The following PLEKHA8 variants were observed in gnomAD, a reference collection of about 807,000 sequenced individuals.
PLEKHA8 encodes the protein pleckstrin homology domain containing A8.
A neutral mutation model predicts 68.2 loss-of-function variants in PLEKHA8; 36 were observed. The ratio of observed to expected loss-of-function variants is 0.53; its 90% CI spans 0.40 to 0.70. The LOEUF (loss-of-function observed/expected upper bound fraction) is 0.70. Among genes scored for constraint, PLEKHA8 ranks in the 30% least tolerant of loss-of-function variants. The pLI, the probability that PLEKHA8 is intolerant of heterozygous loss-of-function variation, is 0.00. For synonymous variants in PLEKHA8, 211 were observed against 216.1 expected (o/e 0.98, Z 0.20); for missense variants, 505 against 615.4 (o/e 0.82, Z 1.90).
At position 30,054,882 on chromosome 7, in the gene PLEKHA8, A is replaced by G; in HGVS notation, c.953+17A>G. 1.3e-6 allele frequency: 2 copies of G among 1,577,644 alleles called. No individual in the cohort carries two copies. Among genetic ancestry groups the G allele is most frequent in the Non-Finnish European group, 1.7e-6 (2 of 1,158,838 alleles). Reference sequence around the variant, plus strand: ...GAACACAAGGTATTCTAGACTCTTTAATATCACTGATGCTTGGATACTAAC... The same window carrying G: ...GAACACAAGGTATTCTAGACTCTTTGATATCACTGATGCTTGGATACTAAC... On this transcript the variant is annotated intron_variant, in intron 8 of 13. Transcript: ENST00000449726.
chr7:30,120,449 A>C (rs1215137894), intron 13 of PLEKHA8, among the ~76,000 whole-genome samples: 10 of 152,250 alleles, frequency 6.6e-5, no homozygotes. Flanking sequence ...GATTGGCCAA[A>C]CTAACACCTG....
chr7:30,090,339 A>G (rs1795366638), exon 13 of PLEKHA8: 1 of 806,288 alleles, frequency 1.2e-6, no homozygotes, highest in Admixed American at 3.0e-5. Context: ...CTGAGTAGGA[A>G]AAAAGAATGA....
downstream of PLEKHA8, among the ~76,000 whole-genome samples, chr7:30,094,275 C>CCTTT (rs1562545904): frequency 7.2e-6 from 1 of 138,262 alleles, no homozygotes; most frequent in Non-Finnish European, 1.6e-5. Context: ...CAAGTTTCTA[C>CCTTT]TTTTTTTTTT....
intron 1 of PLEKHA8, among the ~76,000 whole-genome samples, chr7:30,042,366 G>A (rs547844037): frequency 2.6e-5 from 4 of 152,128 alleles, no homozygotes; most frequent in African/African-American, 9.6e-5. Flanking sequence ...CTTTTTCTCT[G>A]GATAACACTC....
At chr7:30,097,451 C>G (rs1335755923) in intron 13 of PLEKHA8, among the ~76,000 whole-genome samples, 1 of 152,226 alleles carries the variant, frequency 6.6e-6, no homozygotes, top group African/African-American at 2.4e-5. Context: ...CTCCCCATCA[C>G]TTTCAGGTAC....
At chr7:30,110,287 G>C (rs1163937124) in intron 13 of PLEKHA8, among the ~76,000 whole-genome samples, 1 of 152,130 alleles carries the variant, frequency 6.6e-6, no homozygotes, top group African/African-American at 2.4e-5. Flanking sequence ...GGTGTTTTAT[G>C]TCTGGCTACT....
chr7:30,048,229 G>A (rs1792118302), intron 4 of PLEKHA8, among the ~76,000 whole-genome samples: 1 of 151,990 alleles, frequency 6.6e-6, no homozygotes, highest in Admixed American at 6.6e-5. Flanking sequence ...TTCCTTCCTG[G>A]AATAAATTAG....
intron 13 of PLEKHA8, among the ~76,000 whole-genome samples, chr7:30,115,484 GTATGTAGACA>G (rs1470431853): frequency 6.6e-6 from 1 of 151,536 alleles, no homozygotes; most frequent in African/African-American, 2.4e-5. Flanking sequence ...ATGTATACGT[GTATGTAGACA>G]TATGTATACA....
intron 1 of PLEKHA8, among the ~76,000 whole-genome samples, chr7:30,035,986 TG>T (rs1791037827): frequency 6.6e-6 from 1 of 150,674 alleles, no homozygotes; most frequent in Non-Finnish European, 1.5e-5. Context: ...CCAGGCATGG[TG>T]GCTCACACCT....
chr7:30,115,740 G>T (rs1257639879), intron 13 of PLEKHA8: 1 of 117,496 alleles, frequency 8.5e-6, no homozygotes, highest in African/African-American at 3.2e-5. Flanking sequence ...ACGTATACAT[G>T]TATACATACG....
chr7:30,052,186 G>T (rs1320049618), intron 6 of PLEKHA8, among the ~76,000 whole-genome samples: 1 of 152,188 alleles, frequency 6.6e-6, no homozygotes, highest in Non-Finnish European at 1.5e-5. Flanking sequence ...CTGCTGAGGT[G>T]CTGGGAAAGC....
At chr7:30,124,658 A>G (rs1348428805) in intron 13 of PLEKHA8, among the ~76,000 whole-genome samples, 3 of 152,206 alleles carry the variant, frequency 2.0e-5, no homozygotes, top group Non-Finnish European at 4.4e-5. Flanking sequence ...TCTAGGTCTT[A>G]CCAGAATAAT....
In PLEKHA8 at chr7:30,041,195, T is replaced by C. The variant is rs139904127; in HGVS notation, c.41-3890T>C. On this transcript the variant is annotated intron_variant, in intron 1 of 13. Coordinates refer to ENST00000449726, the MANE Select transcript of PLEKHA8 (RefSeq NM_001197026.2). ...CACTCTGCATTTAAATTTTGTCTAATAGGAATGAGATTTCTCTGGTCTCTT... is the reference window on the plus strand; with the variant it reads ...CACTCTGCATTTAAATTTTGTCTAACAGGAATGAGATTTCTCTGGTCTCTT... Among the ~76,000 whole-genome samples, 500 of 152,280 alleles carry C rather than the reference T, an allele frequency of 3.3e-3. 3 individuals are homozygous for C. The highest frequency in any genetic ancestry group is 0.011 in the African/African-American group (473 of 41,556).
In PLEKHA8 at chr7:30,080,063, C is replaced by T; in HGVS notation, c.*1276C>T. Reference sequence around the variant, plus strand: ...TTCGGGGACCATGACTCTGAATCTGCTTACCAATCAATCTCGGTTTAATCA... The same window carrying T: ...TTCGGGGACCATGACTCTGAATCTGTTTACCAATCAATCTCGGTTTAATCA... On this transcript the variant is annotated 3_prime_UTR_variant, in exon 14 of 14. Coordinates refer to ENST00000449726, the MANE Select transcript of PLEKHA8 (RefSeq NM_001197026.2). 2 of 985,304 alleles carry T rather than the reference C, an allele frequency of 2.0e-6. No homozygotes were observed. Among genetic ancestry groups the T allele is most frequent in the South Asian group, 4.7e-5 (1 of 21,274 alleles). The allele number at this position is 985,304 out of a possible 1,614,324, so 61.0% of individuals were successfully genotyped here.
chr7:30,047,734 G>A (rs1431892799), intron 3 of PLEKHA8, 98 bp from the exon 4 acceptor site: 6 of 1,268,838 alleles, frequency 4.7e-6, no homozygotes, highest in African/African-American at 1.6e-5. Context: ...GTTCTGTGTG[G>A]TATCCTAACT....
chr7:30,058,088 T>C (rs1316067048), intron 9 of PLEKHA8, among the ~76,000 whole-genome samples: 2 of 152,162 alleles, frequency 1.3e-5, no homozygotes, highest in African/African-American at 2.4e-5. Context: ...TTATTGGCCA[T>C]CCCTATCTCT....
At chr7:30,064,588 A>C (rs62446704) in intron 12 of PLEKHA8, among the ~76,000 whole-genome samples, 25,413 of 152,056 alleles carry the variant, frequency 0.17, 2,160 homozygotes, top group Middle Eastern at 0.21. Context: ...CTCAGTCGTC[A>C]AGATTAGCAT....
rs181246604 is a variant in PLEKHA8, at chr7:30,061,825, C to A, written c.1099-72C>A. On this transcript the variant is annotated intron_variant, in intron 10 of 13. Coordinates refer to ENST00000449726, the MANE Select transcript of PLEKHA8 (RefSeq NM_001197026.2). ...AGGCCTGCTTGCCAAACTTACAAGT[C>A]TCCAGACTATACTGAGTTGCTTGAT... 27 of 1,571,986 alleles carry A rather than the reference C, an allele frequency of 1.7e-5. No individual in the cohort carries two copies. The African/African-American group carries it at 3.5e-4, about 21-fold the overall frequency.
chr7:30,083,326 TA>T lies in PLEKHA8; in HGVS notation c.*4545del. 1.0e-6 allele frequency: 1 copy of T among 985,174 alleles called. No individual in the cohort carries two copies. The highest frequency in any genetic ancestry group is 1.2e-6 in the Non-Finnish European group (1 of 829,674). The allele number at this position is 985,174 out of a possible 1,614,324, so 61.0% of individuals were successfully genotyped here. ...ACTCAGGGGTTTCATAGTCATTTCA[TA>T]AAAAATAATTCACTAGCTGTCTAAT... is the stretch of plus-strand genomic sequence containing the variant. On this transcript the variant is annotated 3_prime_UTR_variant, in exon 14 of 14. Coordinates refer to ENST00000449726, the MANE Select transcript of PLEKHA8 (RefSeq NM_001197026.2).
Sources: gnomAD v4.1 joint callset for allele counts (sites outside exome capture counted in the v4.1 genomes callset) on GRCh38, gnomAD v4.1.1 for gene constraint, MANE v1.5 for transcripts, NCBI Gene and HGNC (gene_info 2026-07-23, HGNC 2026-07-21) for gene names.